Variants in CCSER1 observed in about 807,000 individuals in gnomAD.
CCSER1 encodes serine-rich coiled-coil domain-containing protein 1.
In CCSER1, 41 loss-of-function variants were observed where a neutral mutation model predicts 82.0. That is an observed-to-expected ratio of 0.50 (90% CI 0.39 to 0.65). The LOEUF is 0.65. CCSER1 is among the 30% of genes least tolerant of loss of function. CCSER1 has a pLI of 0.00. For missense variants in CCSER1, 1,119 were observed against 1,064.2 expected (o/e 1.05, Z -0.72); for synonymous variants, 414 against 383.9 (o/e 1.08, Z -0.92).
chr4:91,126,351 T>C (rs1257468236), intron 10 of CCSER1, among the ~76,000 whole-genome samples: 1 of 151,912 alleles, frequency 6.6e-6, no homozygotes, highest in Non-Finnish European at 1.5e-5. Context: ...TGTCCACCTT[T>C]CAGAAACTTT....
At chr4:90,240,210 C>T (rs1187053339) in intron 1 of CCSER1, among the ~76,000 whole-genome samples, 1 of 152,114 alleles carries the variant, frequency 6.6e-6, no homozygotes, top group Admixed American at 6.5e-5. Context: ...TTTCAGAGGA[C>T]ATGAGCACCC....
At chr4:90,544,897 G>A (rs1396269520) in intron 5 of CCSER1, among the ~76,000 whole-genome samples, 2 of 152,064 alleles carry the variant, frequency 1.3e-5, no homozygotes, top group African/African-American at 4.8e-5. Flanking sequence ...ATCTCTCTGG[G>A]GAGGGGAACA....
intron 9 of CCSER1, among the ~76,000 whole-genome samples, chr4:91,062,776 A>AT (rs1167049931): frequency 4.6e-5 from 7 of 152,054 alleles, no homozygotes; most frequent in African/African-American, 7.2e-5. Context: ...CAATAAAATG[A>AT]TTTTTTTGTC....
intron 6 of CCSER1, among the ~76,000 whole-genome samples, chr4:90,667,236 T>G (rs536070715): frequency 1.3e-5 from 2 of 152,300 alleles, no homozygotes; most frequent in East Asian, 3.9e-4. Flanking sequence ...TTAAACTTTC[T>G]GTGCTTCAGA....
At chr4:91,270,749 C>A (rs1178647567) in intron 10 of CCSER1, among the ~76,000 whole-genome samples, 1 of 152,152 alleles carries the variant, frequency 6.6e-6, no homozygotes, top group Admixed American at 6.5e-5. Context: ...ATTTACTTTG[C>A]TACTTCTCCC....
At chr4:90,240,596 T>A (rs897536903) in intron 1 of CCSER1, among the ~76,000 whole-genome samples, 2 of 152,138 alleles carry the variant, frequency 1.3e-5, no homozygotes, top group East Asian at 3.8e-4. Flanking sequence ...CTTAAAAGAA[T>A]TCTATCTATG....
At chr4:91,126,553 A>G (rs1375892933) in intron 10 of CCSER1, among the ~76,000 whole-genome samples, 1 of 151,998 alleles carries the variant, frequency 6.6e-6, no homozygotes, top group African/African-American at 2.4e-5. Context: ...ATGTTGCAAG[A>G]ATGAAGTTAT....
intron 1 of CCSER1, among the ~76,000 whole-genome samples, chr4:90,304,425 T>G (rs1560986200): frequency 1.3e-5 from 2 of 152,130 alleles, no homozygotes; most frequent in African/African-American, 2.4e-5. Flanking sequence ...TAGACTGGAT[T>G]AAGAAAATGT....
In CCSER1 at chr4:91,604,893, T is replaced by C. The variant is rs1578900195; in HGVS notation, c.*5836T>C. The C allele has an allele frequency of 3.9e-5, 6 of 152,070 alleles. No individual in the cohort carries two copies. The East Asian group carries it at 1.2e-3, about 29-fold the overall frequency. The allele number at this position is 152,070 out of a possible 1,614,324, so 9.4% of individuals were successfully genotyped here. On this transcript the variant is annotated 3_prime_UTR_variant, in exon 11 of 11. Coordinates refer to ENST00000509176, the MANE Select transcript of CCSER1 (RefSeq NM_001145065.2). The stretch of plus-strand genomic sequence containing the variant: ...AATGTCTGAATAAGACGTAATCCTG[T>C]CATGAGTTCTCTCTTCCAAAAAAGA...
At chr4:91,062,484 T>C (rs1744043652) in intron 9 of CCSER1, among the ~76,000 whole-genome samples, 1 of 152,118 alleles carries the variant, frequency 6.6e-6, no homozygotes. Context: ...CTGTTAATAT[T>C]GCAACTTTTG....
chr4:90,621,693 T>A (rs1381966485), intron 5 of CCSER1, among the ~76,000 whole-genome samples: 2 of 152,242 alleles, frequency 1.3e-5, no homozygotes, highest in African/African-American at 4.8e-5. Flanking sequence ...CATGAATGGA[T>A]GACATGTTTT....
intron 10 of CCSER1, among the ~76,000 whole-genome samples, chr4:91,534,545 G>A (rs901062117): frequency 2.0e-5 from 3 of 151,904 alleles, no homozygotes; most frequent in African/African-American, 7.2e-5. Context: ...TATCACATGG[G>A]TTTGTTGTGA....
chr4:91,603,277 G>C lies in CCSER1; in HGVS notation c.*4220G>C, dbSNP rs1364779344. ...ATGTTTATTTTTGAAATTTTGTTCT[G>C]TGCCAACTTGTTTCACCATGTTAAA... is the stretch of plus-strand genomic sequence containing the variant. On this transcript the variant is annotated 3_prime_UTR_variant, in exon 11 of 11. Coordinates refer to ENST00000509176, the MANE Select transcript of CCSER1 (RefSeq NM_001145065.2). The C allele has an allele frequency of 6.6e-6, 1 of 151,956 alleles. No individual in the cohort carries two copies. The highest frequency in any genetic ancestry group is 1.5e-5 in the Non-Finnish European group (1 of 67,942). 9.4% of individuals were successfully genotyped at this position (151,956 alleles called of 1,614,324 possible).
At position 91,294,921 on chromosome 4, in the gene CCSER1, A is replaced by T. The variant is rs556348969; in HGVS notation, c.2217+208927A>T. ...AGACAGAGTACAATGCCAGAGTCAG[A>T]ATTCAAATTTCTTTTCCTGACTTTA... On this transcript the variant is annotated intron_variant, in intron 10 of 10. Coordinates refer to ENST00000509176, the MANE Select transcript of CCSER1 (RefSeq NM_001145065.2). Among the ~76,000 whole-genome samples the T allele has an allele frequency of 7.9e-5, 12 of 152,074 alleles. No homozygotes were observed. The South Asian group carries it at 2.3e-3, about 29-fold the overall frequency.
chr4:90,166,419 A>C (rs971168755), intron 1 of CCSER1, among the ~76,000 whole-genome samples: 2 of 152,038 alleles, frequency 1.3e-5, no homozygotes, highest in African/African-American at 4.8e-5. Flanking sequence ...AAGTAGGTAC[A>C]TGGTCTTAGA....
chr4:90,202,216 TTG>T (rs989266961), intron 1 of CCSER1, among the ~76,000 whole-genome samples: 1 of 151,836 alleles, frequency 6.6e-6, no homozygotes, highest in African/African-American at 2.4e-5. Context: ...TTTTTTTTTT[TTG>T]AGACTGAGTG....
At chr4:91,562,704 TTA>T (rs1284381736) in intron 10 of CCSER1, among the ~76,000 whole-genome samples, 1 of 151,574 alleles carries the variant, frequency 6.6e-6, no homozygotes, top group Admixed American at 6.6e-5. Flanking sequence ...GCAGAGAGTT[TTA>T]GATTGTACTT....
intron 5 of CCSER1, among the ~76,000 whole-genome samples, chr4:90,547,236 T>TA (rs929981861): frequency 1.0e-4 from 15 of 148,606 alleles, no homozygotes; most frequent in Non-Finnish European, 1.8e-4. Flanking sequence ...TAAAATAAAA[T>TA]AAAAAAAAGA....
rs72875151 is a variant in CCSER1 at position 91,230,976 on chromosome 4, G to T, written c.2217+144982G>T. On this transcript the variant is annotated intron_variant, in intron 10 of 10. Coordinates refer to ENST00000509176, the MANE Select transcript of CCSER1 (RefSeq NM_001145065.2). ...AATATAATATTAATATGTCTGTTAGGGTACAAAGAAAATAAAACACTCACA... is the reference window on the plus strand; with the variant it reads ...AATATAATATTAATATGTCTGTTAGTGTACAAAGAAAATAAAACACTCACA... Among the ~76,000 whole-genome samples, 1,422 of 151,650 alleles carry T rather than the reference G, an allele frequency of 9.4e-3. 21 individuals are homozygous for T. Among genetic ancestry groups the T allele is most frequent in the African/African-American group, 0.032 (1,345 of 41,420 alleles).
Sources: allele counts gnomAD v4.1 joint callset (sites outside exome capture counted in the v4.1 genomes callset), GRCh38; gene constraint gnomAD v4.1.1; transcripts MANE v1.5; gene names NCBI Gene and HGNC (gene_info 2026-07-23, HGNC 2026-07-21).